Variants in TAF4 observed in about 807,000 individuals in gnomAD.
TAF4 encodes the protein transcription initiation factor TFIID subunit 4.
Under a neutral mutation model 90.3 loss-of-function variants are expected in TAF4, and 9 were observed. The ratio of observed to expected loss-of-function variants is 0.10; its 90% CI spans 0.06 to 0.17. The LOEUF (loss-of-function observed/expected upper bound fraction) is 0.17, where lower values mean the gene tolerates loss of function less well. Among genes scored for constraint, TAF4 ranks in the 10% least tolerant of loss-of-function variants. TAF4 has a pLI of 1.00. For missense variants in TAF4, 1,351 were observed against 1,370.7 expected, an observed-to-expected ratio of 0.99 and a Z score of 0.23; for synonymous variants, 818 against 638.9, an observed-to-expected ratio of 1.28 and a Z score of -4.23.
intron 14 of TAF4, among the ~76,000 whole-genome samples, chr20:61,991,142 G>A (rs2055628893): frequency 6.6e-6 from 1 of 152,128 alleles, no homozygotes; most frequent in African/African-American, 2.4e-5. Context: ...AATTAGGCCA[G>A]GCACAATGGC....
chr20:62,008,350 C>G (rs1219553660), intron 5 of TAF4, among the ~76,000 whole-genome samples: 2 of 152,130 alleles, frequency 1.3e-5, no homozygotes, highest in Admixed American at 1.3e-4. Context: ...CCAGGCCATC[C>G]CACTGACGCC....
At chr20:62,019,622 C>CTGGCCAG (rs751916952) in intron 1 of TAF4, among the ~76,000 whole-genome samples, 2 of 152,168 alleles carry the variant, frequency 1.3e-5, no homozygotes, top group African/African-American at 4.8e-5. Context: ...CCTCCAAAGC[C>CTGGCCAG]TGGCCAGTGG....
intron 1 of TAF4, among the ~76,000 whole-genome samples, chr20:62,041,371 T>TGG (rs2055962907): frequency 6.6e-6 from 1 of 152,174 alleles, no homozygotes. Context: ...CAGCCACGCC[T>TGG]CACATCATGA....
chr20:61,999,172 C>G (rs2055682362), intron 11 of TAF4, 64 bp from the exon 12 acceptor site: 2 of 1,586,332 alleles, frequency 1.3e-6, no homozygotes, highest in African/African-American at 1.3e-5. Flanking sequence ...AAGGGGTTGT[C>G]TAGCACCACT....
chr20:62,063,701 G>A (rs1281996648), intron 1 of TAF4, among the ~76,000 whole-genome samples: 1 of 152,224 alleles, frequency 6.6e-6, no homozygotes, highest in Non-Finnish European at 1.5e-5. Flanking sequence ...AACCAGAGTA[G>A]CTAGGCGCTC....
chr20:62,006,522 T>A lies in TAF4; in HGVS notation c.2211A>T (p.Gln737His), dbSNP rs1353712116. ...GCCCCTTCCATACCAGCGGTGTGGG[T>A]TGCCCCTGCTTGCCGACGCCGACCT... Reference protein sequence around the residue: ...PTQVGVGKQGQPTPLVIQQPP... With the variant: ...PTQVGVGKQGHPTPLVIQQPP... Residue 737 changes from glutamine to histidine, a missense_variant, in exon 7 of 15, where the codon CAA (glutamine) becomes CAT (histidine). Gln to His is a conservative substitution (Grantham distance 24). Around this residue, in one of 9 missense-constraint regions of TAF4, gnomAD observed 202 missense variants for 229.7 expected, o/e 0.88. Coordinates refer to ENST00000252996, the MANE Select transcript of TAF4 (RefSeq NM_003185.4). This position sits in a 1 kb window ranked among gnomAD's most constrained non-coding sequence, Gnocchi z 7.0. The A allele has an allele frequency of 6.5e-7, 1 of 1,536,050 alleles. No homozygotes were observed. The highest frequency in any genetic ancestry group is 1.9e-5 in the Admixed American group (1 of 52,936).
chr20:61,994,302 T>A, intron 14 of TAF4, among the ~76,000 whole-genome samples: 1 of 152,188 alleles, frequency 6.6e-6, no homozygotes, highest in Non-Finnish European at 1.5e-5. Context: ...TGAGTGCAGG[T>A]TCCTGCTGGG....
intron 1 of TAF4, among the ~76,000 whole-genome samples, chr20:62,061,728 C>A (rs1045752863): frequency 6.6e-6 from 1 of 152,194 alleles, no homozygotes; most frequent in Non-Finnish European, 1.5e-5. Flanking sequence ...CTTGGGACAA[C>A]TGTGTCATCT....
At chr20:62,016,831 C>T (rs1434587620) in intron 1 of TAF4, among the ~76,000 whole-genome samples, 1 of 152,162 alleles carries the variant, frequency 6.6e-6, no homozygotes, top group Non-Finnish European at 1.5e-5. Context: ...CACCTTGCTC[C>T]TCCTCCTCAA....
At chr20:62,027,794 AAC>A (rs2055882866) in intron 1 of TAF4, among the ~76,000 whole-genome samples, 1 of 152,236 alleles carries the variant, frequency 6.6e-6, no homozygotes, top group South Asian at 2.1e-4. Context: ...CCAAGCCCTC[AAC>A]ACACAACGGA....
intron 1 of TAF4, among the ~76,000 whole-genome samples, chr20:62,016,281 T>C (rs925020525): frequency 1.3e-5 from 2 of 152,204 alleles, no homozygotes; most frequent in African/African-American, 2.4e-5. Context: ...GATTGAAGAA[T>C]GCAAAGTATT....
At chr20:61,986,331 CATCAAAGGAAACACCATCCCCA>C (rs1382721085) in intron 14 of TAF4, among the ~76,000 whole-genome samples, 104 of 41,788 alleles carry the variant, frequency 2.5e-3, no homozygotes, top group African/African-American at 8.7e-3. Flanking sequence ...CACCATCCCC[CATCAAAGGAAACACCATCCCCA>C]ATCAAAGGAA....
chr20:62,018,464 C>G (rs1266635906), intron 1 of TAF4, among the ~76,000 whole-genome samples: 1 of 152,258 alleles, frequency 6.6e-6, no homozygotes, highest in Non-Finnish European at 1.5e-5. Flanking sequence ...AGTAATCAAC[C>G]GTGGTTACGG....
intron 1 of TAF4, among the ~76,000 whole-genome samples, chr20:62,038,444 A>G (rs1277403652): frequency 6.6e-6 from 1 of 152,036 alleles, no homozygotes; most frequent in Non-Finnish European, 1.5e-5. Flanking sequence ...TACAGGTATG[A>G]GCCACTGAGC....
chr20:62,064,294 T>C, intron 1 of TAF4, 157 bp downstream of exon 1: 2 of 841,832 alleles, frequency 2.4e-6, no homozygotes, highest in Non-Finnish European at 3.2e-6. Flanking sequence ...CCACCCGGGC[T>C]GGCCCCGCAC....
At chr20:61,976,368 G>A (rs370848795) in intron 14 of TAF4, 33 bp from the exon 15 acceptor site, 59 of 1,609,130 alleles carry the variant, frequency 3.7e-5, no homozygotes, top group Non-Finnish European at 4.9e-5. Flanking sequence ...CAGTGTGTTA[G>A]TGGGGCTCAG....
intron 1 of TAF4, among the ~76,000 whole-genome samples, chr20:62,060,465 G>C (rs2056083452): frequency 6.6e-6 from 1 of 152,188 alleles, no homozygotes; most frequent in Non-Finnish European, 1.5e-5. Context: ...AGACACCAAA[G>C]GCAGGTGAGG....
chr20:61,985,202 C>T (rs1394831024), intron 14 of TAF4, among the ~76,000 whole-genome samples: 1 of 151,854 alleles, frequency 6.6e-6, no homozygotes, highest in Non-Finnish European at 1.5e-5. Flanking sequence ...CCACTAAACC[C>T]GAGCTGTCCT....
intron 1 of TAF4, among the ~76,000 whole-genome samples, chr20:62,018,567 A>C (rs1379983304): frequency 6.6e-6 from 1 of 151,926 alleles, no homozygotes; most frequent in African/African-American, 2.4e-5. Flanking sequence ...TGTGGCCCCC[A>C]CCCCGCCCCA....
Sources: gnomAD v4.1 joint callset for allele counts (sites outside exome capture counted in the v4.1 genomes callset) on GRCh38, gnomAD v4.1.1 for gene constraint, gnomAD v4.1.1 regional missense constraint, Gnocchi (gnomAD v3.1) non-coding constraint, MANE v1.5 for transcripts, NCBI Gene and HGNC (gene_info 2026-07-23, HGNC 2026-07-21) for gene names.